The following LRRIQ1 variants were observed in gnomAD, a reference collection of about 807,000 sequenced individuals.
LRRIQ1 encodes the protein leucine rich repeats and IQ motif containing 1.
LRRIQ1 carries 210 observed loss-of-function variants against 211.9 expected under a neutral mutation model. The ratio of observed to expected loss-of-function variants is 0.99; its 90% CI spans 0.89 to 1.11. The LOEUF (loss-of-function observed/expected upper bound fraction) is 1.11. Ranked by LOEUF, LRRIQ1 falls within the 50% of genes most tolerant of loss-of-function variation. The pLI, the probability that LRRIQ1 is intolerant of heterozygous loss-of-function variation, is 0.00. For missense variants in LRRIQ1, 2,136 were observed against 1,939.5 expected (o/e 1.10, Z -1.90); for synonymous variants, 699 against 650.1 (o/e 1.08, Z -1.14).
intron 11 of LRRIQ1, among the ~76,000 whole-genome samples, chr12:85,096,130 C>G (rs974816256): frequency 2.6e-5 from 4 of 151,860 alleles, no homozygotes; most frequent in Non-Finnish European, 4.4e-5. Context: ...TTTGTTTATT[C>G]TTTGTGTGGA....
chr12:85,098,316 C>A (rs34798402), intron 11 of LRRIQ1, 39 bp from the exon 12 acceptor site: 1 of 1,345,006 alleles, frequency 7.4e-7, no homozygotes, highest in Non-Finnish European at 1.0e-6. Context: ...GTCTGGAAGA[C>A]TGTATGACAC....
rs550824770 is a variant in LRRIQ1, at chr12:85,142,000, T to A, written c.4329+4031T>A. Among the ~76,000 whole-genome samples, 3 of 151,378 alleles carry A rather than the reference T, an allele frequency of 2.0e-5. No homozygotes were observed. The East Asian group carries it at 5.8e-4, about 30-fold the overall frequency. On this transcript the variant is annotated intron_variant, in intron 19 of 26. Coordinates refer to ENST00000393217, the MANE Select transcript of LRRIQ1 (RefSeq NM_001079910.2). ...CCTGAAAGACACTCTCTAGTAGGAG[T>A]CAGTTTTTGATTGCTTGAAAATTTA...
intron 14 of LRRIQ1, 128 bp downstream of exon 14, chr12:85,104,205 T>C: frequency 2.3e-6 from 1 of 425,770 alleles, no homozygotes; most frequent in Non-Finnish European, 4.0e-6. Flanking sequence ...AAATAAAGCA[T>C]GCTGAAATAA....
intron 26 of LRRIQ1, among the ~76,000 whole-genome samples, chr12:85,236,855 A>ATATATC (rs1401058179): frequency 6.9e-6 from 1 of 144,730 alleles, no homozygotes; most frequent in Non-Finnish European, 1.5e-5. Context: ...ATATATATAT[A>ATATATC]TCTCCCAGAT....
chr12:85,120,979 T>C (rs547809596), intron 15 of LRRIQ1, among the ~76,000 whole-genome samples: 2 of 152,276 alleles, frequency 1.3e-5, no homozygotes, highest in South Asian at 2.1e-4. Flanking sequence ...TGTTTGTTTT[T>C]GTTTTTTGAG....
intron 15 of LRRIQ1, among the ~76,000 whole-genome samples, chr12:85,113,831 C>T (rs1299272702): frequency 6.6e-6 from 1 of 151,502 alleles, no homozygotes; most frequent in Non-Finnish European, 1.5e-5. Flanking sequence ...AACTATAGGA[C>T]ATATTACTAC....
chr12:85,188,901 A>C (rs982773333), intron 24 of LRRIQ1, among the ~76,000 whole-genome samples: 16 of 152,126 alleles, frequency 1.1e-4, no homozygotes, highest in African/African-American at 3.6e-4. Context: ...AGAGCGAGTC[A>C]TAGGAATTAT....
At chr12:85,052,690 A>G (rs926967662) in intron 7 of LRRIQ1, among the ~76,000 whole-genome samples, 4 of 152,114 alleles carry the variant, frequency 2.6e-5, no homozygotes, top group African/African-American at 4.8e-5. Flanking sequence ...TTTAAAGTAG[A>G]TATCTCCATA....
intron 2 of LRRIQ1, among the ~76,000 whole-genome samples, chr12:85,038,712 C>G (rs1481616159): frequency 6.6e-6 from 1 of 151,480 alleles, no homozygotes; most frequent in African/African-American, 2.4e-5. Flanking sequence ...CTTAATCCAA[C>G]TGGAATTTAT....
intron 24 of LRRIQ1, among the ~76,000 whole-genome samples, chr12:85,212,652 T>C (rs931810591): frequency 6.6e-6 from 1 of 151,510 alleles, no homozygotes; most frequent in Non-Finnish European, 1.5e-5. Context: ...TCTTGTATTC[T>C]CTAGGAGAGA....
At chr12:85,188,683 G>C (rs887213532) in intron 24 of LRRIQ1, among the ~76,000 whole-genome samples, 4 of 152,070 alleles carry the variant, frequency 2.6e-5, no homozygotes, top group Non-Finnish European at 5.9e-5. Context: ...AACTGTGGCT[G>C]TCTTAGTGCT....
At chr12:85,075,285 A>T (rs1883521427) in intron 11 of LRRIQ1, among the ~76,000 whole-genome samples, 1 of 151,470 alleles carries the variant, frequency 6.6e-6, no homozygotes, top group Non-Finnish European at 1.5e-5. Flanking sequence ...TGCCTCTACA[A>T]TTTTTTTTTA....
chr12:85,203,372 G>C (rs1281063056), intron 24 of LRRIQ1, among the ~76,000 whole-genome samples: 5 of 151,894 alleles, frequency 3.3e-5, no homozygotes, highest in Non-Finnish European at 5.9e-5. Flanking sequence ...ACAGTAAATT[G>C]CTATCAGTAG....
downstream of LRRIQ1, among the ~76,000 whole-genome samples, chr12:85,246,120 T>C (rs1275169676): frequency 6.6e-6 from 1 of 151,266 alleles, no homozygotes; most frequent in Non-Finnish European, 1.5e-5. Flanking sequence ...ATAATTTTAA[T>C]ACATCTAATT....
intron 11 of LRRIQ1, among the ~76,000 whole-genome samples, chr12:85,073,364 A>G (rs1703168741): frequency 6.6e-6 from 1 of 152,020 alleles, no homozygotes; most frequent in African/African-American, 2.4e-5. Context: ...CCATATGGAA[A>G]TGCTGATAGT....
At chr12:85,141,167 G>A (rs866029384) in intron 19 of LRRIQ1, among the ~76,000 whole-genome samples, 9 of 151,088 alleles carry the variant, frequency 6.0e-5, no homozygotes, top group African/African-American at 1.9e-4. Context: ...TCAAAATTTT[G>A]TCTCAGCATA....
intron 24 of LRRIQ1, among the ~76,000 whole-genome samples, chr12:85,202,254 A>G (rs1893336004): frequency 6.6e-6 from 1 of 152,120 alleles, no homozygotes; most frequent in Admixed American, 6.6e-5. Context: ...GGTGAAAAGA[A>G]TTTATATTCT....
chr12:85,113,772 CTAAAGTG>C (rs1887354520), intron 15 of LRRIQ1, among the ~76,000 whole-genome samples: 8 of 152,052 alleles, frequency 5.3e-5, no homozygotes, highest in Admixed American at 1.3e-4. Context: ...ACTCAGACTT[CTAAAGTG>C]CTGTAGTATT....
chr12:85,190,205 TATA>T (rs1202913804), intron 24 of LRRIQ1, among the ~76,000 whole-genome samples: 1 of 144,166 alleles, frequency 6.9e-6, no homozygotes, highest in Non-Finnish European at 1.5e-5. Context: ...ATATTATAAT[TATA>T]ATTTTATAAT....
Sources: gnomAD v4.1 joint callset for allele counts (sites outside exome capture counted in the v4.1 genomes callset) on GRCh38, gnomAD v4.1.1 for gene constraint, MANE v1.5 for transcripts, NCBI Gene and HGNC (gene_info 2026-07-23, HGNC 2026-07-21) for gene names.